ZMIZ2: variants seen among roughly 807,000 people sequenced by gnomAD.
The protein encoded by ZMIZ2 is zinc finger MIZ domain-containing protein 2.
A neutral mutation model predicts 93.9 loss-of-function variants in ZMIZ2; 26 were observed. The observed-to-expected ratio is 0.28, with a 90% confidence interval of 0.20 to 0.38. The LOEUF is 0.38. ZMIZ2 is among the 10% of genes least tolerant of loss of function. The pLI is 1.00. For synonymous variants in ZMIZ2, 485 were observed against 516.4 expected (o/e 0.94, Z 0.82); for missense variants, 1,023 against 1,235.0 (o/e 0.83, Z 2.57).
rs753628720 is a variant in ZMIZ2, at chr7:44,761,818, C to T, written c.1509C>T (p.Asn503=). The change falls in exon 11 of 19, where the codon AAC becomes AAT. Residue 503 remains asparagine (N), a synonymous_variant. Transcript: ENST00000309315. This position sits in a 1 kb window ranked among gnomAD's most constrained non-coding sequence, Gnocchi z 5.8. ...CGCTCACCATCGAGCGTGGCGACAACAAGACCTCGCACAAGCCACTCTACC... is the reference window on the plus strand; with the variant it reads ...CGCTCACCATCGAGCGTGGCGACAATAAGACCTCGCACAAGCCACTCTACC... The part of the protein sequence containing the change: ...ATPLTIERGD[N]KTSHKPLYLK... The T allele has an allele frequency of 6.2e-7, 1 of 1,613,626 alleles. No homozygotes were observed. The highest frequency in any genetic ancestry group is 8.5e-7 in the Non-Finnish European group (1 of 1,179,984).
intron 7 of ZMIZ2, 178 bp from the exon 8 acceptor site, chr7:44,759,973 T>G: frequency 4.3e-6 from 3 of 696,776 alleles, no homozygotes; most frequent in East Asian, 5.7e-5. Flanking sequence ...CCCTCCAACC[T>G]GTTTGATCAT....
intron 1 of ZMIZ2, among the ~76,000 whole-genome samples, chr7:44,754,671 G>A (rs934134836): frequency 6.6e-6 from 1 of 152,198 alleles, no homozygotes; most frequent in Admixed American, 6.5e-5. Flanking sequence ...AGATGAATGC[G>A]GGGCCACCCT....
At chr7:44,764,576 A>C (rs1791510705) in intron 14 of ZMIZ2, 90 bp downstream of exon 14, 15 of 1,430,896 alleles carry the variant, frequency 1.0e-5, no homozygotes, top group Non-Finnish European at 1.5e-5. Flanking sequence ...CATCAAAGAT[A>C]CGAGCCTGCT....
Position 44,763,705 on chromosome 7 carries a change from C to T in ZMIZ2, c.1860+292C>T. 2 of 397,210 alleles carry T rather than the reference C, an allele frequency of 5.0e-6. No homozygotes were observed. The highest frequency in any genetic ancestry group is 4.7e-5 in the East Asian group (1 of 21,392). 24.6% of individuals were successfully genotyped at this position (397,210 alleles called of 1,614,324 possible). Reference sequence around the variant, plus strand: ...AGGGTCCAGTCTTCCTGCCCTACCCCCAAGGGTGACCATCGTTAGCATCTG... The same window carrying T: ...AGGGTCCAGTCTTCCTGCCCTACCCTCAAGGGTGACCATCGTTAGCATCTG... On this transcript the variant is annotated intron_variant, in intron 13 of 18. Transcript: ENST00000309315. This position sits in a 1 kb window ranked among gnomAD's most constrained non-coding sequence, Gnocchi z 5.6.
intron 18 of ZMIZ2, 133 bp from the exon 19 acceptor site, chr7:44,767,383 C>T (rs1413558811): frequency 7.5e-6 from 6 of 798,002 alleles, no homozygotes; most frequent in Non-Finnish European, 1.0e-5. Context: ...CCGCACCCGG[C>T]CTGTGTGTGA....
chr7:44,768,412 C>T lies in ZMIZ2; in HGVS notation c.*789C>T, dbSNP rs1265912215. On this transcript the variant is annotated 3_prime_UTR_variant, in exon 19 of 19. Coordinates refer to ENST00000309315, the MANE Select transcript of ZMIZ2 (RefSeq NM_031449.4). ...TGGGTGGGGGACAGTGAGCTTCGGC[C>T]TGGCCGAGGTGGGTGGGTGGGCTCT... is the stretch of plus-strand genomic sequence containing the variant. 6.6e-6 allele frequency: 1 copy of T among 152,542 alleles called. No individual in the cohort carries two copies. The highest frequency in any genetic ancestry group is 2.4e-5 in the African/African-American group (1 of 41,436). The allele number at this position is 152,542 out of a possible 1,614,324, so 9.4% of individuals were successfully genotyped here. A position where few individuals can be genotyped will look rare whatever the true frequency, so the allele number is the denominator to read the frequency against.
chr7:44,761,278 G>A lies in ZMIZ2; in HGVS notation c.1241-171G>A. ...GGCCTCAGGAGAGATGCTGCCCATGGCCCCAGCCCCAGGGCACCACTCAGG... is the reference window on the plus strand; with the variant it reads ...GGCCTCAGGAGAGATGCTGCCCATGACCCCAGCCCCAGGGCACCACTCAGG... On this transcript the variant is annotated intron_variant, in intron 9 of 18. Coordinates refer to ENST00000309315, the MANE Select transcript of ZMIZ2 (RefSeq NM_031449.4). This position sits in a 1 kb window ranked among gnomAD's most constrained non-coding sequence, Gnocchi z 5.8. The A allele has an allele frequency of 1.7e-6, 1 of 587,040 alleles. No individual in the cohort carries two copies. The highest frequency in any genetic ancestry group is 2.1e-6 in the Non-Finnish European group (1 of 466,074). The allele number at this position is 587,040 out of a possible 1,614,324, so 36.4% of individuals were successfully genotyped here.
rs372406621 is a variant in ZMIZ2, at chr7:44,756,273, A to G, written c.24A>G (p.Lys8=). Residue 8 remains lysine, a synonymous_variant, in exon 2 of 19, where the codon AAA becomes AAG. Coordinates refer to ENST00000309315, the MANE Select transcript of ZMIZ2 (RefSeq NM_031449.4). ...CAATGAACTCCATGAACCCCATGAA[A>G]CCTGCCCTGCCCCCTGCGCCACACG... MNSMNPM[K]PALPPAPHGD... is the part of the protein sequence containing the mutation. 5.5e-5 allele frequency: 88 copies of G among 1,613,748 alleles called. No individual in the cohort carries two copies. The highest frequency in any genetic ancestry group is 7.2e-5 in the Non-Finnish European group (85 of 1,179,970).
chr7:44,759,867 T>G, intron 7 of ZMIZ2: 1 of 521,958 alleles, frequency 1.9e-6, no homozygotes, highest in South Asian at 2.2e-5. Flanking sequence ...TCTGGGTGCA[T>G]GGGCAGAGCC....
At chr7:44,755,771 A>G (rs1790536418) in intron 1 of ZMIZ2, among the ~76,000 whole-genome samples, 1 of 152,116 alleles carries the variant, frequency 6.6e-6, no homozygotes, top group East Asian at 1.9e-4. Flanking sequence ...CCTTCACCCC[A>G]GGGCCTTCTG....
rs751811507 is a variant in ZMIZ2, at chr7:44,757,835, T to A, written c.553-13T>A. 1 of 1,536,338 alleles carries A rather than the reference T, an allele frequency of 6.5e-7. No homozygotes were observed. Among genetic ancestry groups the A allele is most frequent in the South Asian group, 1.3e-5 (1 of 79,264 alleles). On this transcript the variant is annotated splice_polypyrimidine_tract_variant and intron_variant, in intron 5 of 18. Coordinates refer to ENST00000309315, the MANE Select transcript of ZMIZ2 (RefSeq NM_031449.4). ...GGTGGGACCTGGACCATTCTTCTTT[T>A]TTCTCTTCCTAGATGGGGGCCGGAC...
chr7:44,757,868 T>G lies in ZMIZ2; in HGVS notation c.573T>G (p.Phe191Leu). Residue 191 changes from phenylalanine to leucine, a missense_variant, in exon 6 of 19, where the codon TTT becomes TTG. Physicochemically the swap from Phe to Leu is conservative, Grantham distance 22. Around this residue, in one of 3 missense-constraint regions of ZMIZ2, gnomAD observed 656 missense variants for 777.1 expected, o/e 0.84. Transcript: ENST00000309315. ...QYGAMGAGQS[F>L]NSQFLQHGGP... ...CCTAGATGGGGGCCGGACAGTCTTT[T>G]AACAGCCAGTTTCTGCAGCATGGAG... 1 of 1,589,016 alleles carries G rather than the reference T, an allele frequency of 6.3e-7. No individual in the cohort carries two copies. The highest frequency in any genetic ancestry group is 1.1e-5 in the South Asian group (1 of 87,792).
Position 44,761,971 on chromosome 7 carries a change from G to T in ZMIZ2, c.1596+66G>T, listed in dbSNP as rs1282427495. 2.7e-6 allele frequency: 4 copies of T among 1,472,616 alleles called. No homozygotes were observed. Among genetic ancestry groups the T allele is most frequent in the African/African-American group, 1.4e-5 (1 of 71,608 alleles). 91.2% of individuals were successfully genotyped at this position (1,472,616 alleles called of 1,614,324 possible). ...GCGGGGTGTGGTGGGGCCTGGCCCA[G>T]CGGTGCCGTGGGGTGGGGCGGGGTG... On this transcript the variant is annotated intron_variant, in intron 11 of 18. Transcript: ENST00000309315. The surrounding 1 kb of genome is among the most constrained non-coding windows in gnomAD (Gnocchi z 5.8).
chr7:44,758,176 C>T, intron 6 of ZMIZ2, 68 bp downstream of exon 6: 2 of 1,463,856 alleles, frequency 1.4e-6, no homozygotes, highest in Non-Finnish European at 1.8e-6. Context: ...CTCTTTAGAG[C>T]TGTGGTAAAG....
In ZMIZ2 at chr7:44,765,929, G is replaced by A; in HGVS notation, c.2243-235G>A. The A allele has an allele frequency of 1.5e-6, 2 of 1,363,936 alleles. No homozygotes were observed. Among genetic ancestry groups the A allele is most frequent in the Non-Finnish European group, 1.9e-6 (2 of 1,063,388 alleles). 84.5% of individuals were successfully genotyped at this position (1,363,936 alleles called of 1,614,324 possible). On this transcript the variant is annotated intron_variant, in intron 16 of 18. Coordinates refer to ENST00000309315, the MANE Select transcript of ZMIZ2 (RefSeq NM_031449.4). The surrounding 1 kb of genome is among the most constrained non-coding windows in gnomAD (Gnocchi z 4.1). ...ACGCGTGGTGCGTTTGTTTGTGGCTGCTCCCATTCCTATAACCTCCGAGAC... is the reference window on the plus strand; with the variant it reads ...ACGCGTGGTGCGTTTGTTTGTGGCTACTCCCATTCCTATAACCTCCGAGAC...
Position 44,765,599 on chromosome 7 carries a change from C to G in ZMIZ2, c.2242+20C>G. 6.3e-7 allele frequency: 1 copy of G among 1,579,132 alleles called. No individual in the cohort carries two copies. The highest frequency in any genetic ancestry group is 1.7e-4 in the Middle Eastern group (1 of 5,990). ...GCCAGGGTAAGTACAGCAGGCTAGC[C>G]TTGAACCTCAGATGACCCTGGGCAT... On this transcript the variant is annotated intron_variant, in intron 16 of 18. Coordinates refer to ENST00000309315, the MANE Select transcript of ZMIZ2 (RefSeq NM_031449.4). The surrounding 1 kb of genome is among the most constrained non-coding windows in gnomAD (Gnocchi z 4.1).
rs1304130443 is a variant in ZMIZ2, at chr7:44,767,733, C to CA, written c.*114dup. On this transcript the variant is annotated 3_prime_UTR_variant, in exon 19 of 19. Transcript: ENST00000309315. Reference sequence around the variant, plus strand: ...CCGGTGGTCTTTCCCAAACCTCCCCCAAAACACACCTGGAGCCAGAGCCTT... The same window carrying CA: ...CCGGTGGTCTTTCCCAAACCTCCCCCAAAAACACACCTGGAGCCAGAGCCTT... 22 of 936,752 alleles carry CA rather than the reference C, an allele frequency of 2.3e-5. No individual in the cohort carries two copies. Among genetic ancestry groups the CA allele is most frequent in the Non-Finnish European group, 3.5e-5 (21 of 599,238 alleles). The allele number at this position is 936,752 out of a possible 1,614,324, so 58.0% of individuals were successfully genotyped here. A position where few individuals can be genotyped will look rare whatever the true frequency, so the allele number is the denominator to read the frequency against.
At chr7:44,754,471 G>A (rs1023498141) in intron 1 of ZMIZ2, among the ~76,000 whole-genome samples, 7 of 152,182 alleles carry the variant, frequency 4.6e-5, no homozygotes, top group East Asian at 1.9e-4. Context: ...CCCAGTGCTC[G>A]GTGATGGGAA....
rs1470641549 is a variant in ZMIZ2, at chr7:44,764,409, C to T, written c.1861-10C>T. On this transcript the variant is annotated splice_polypyrimidine_tract_variant and intron_variant, in intron 13 of 18. Coordinates refer to ENST00000309315, the MANE Select transcript of ZMIZ2 (RefSeq NM_031449.4). Reference sequence around the variant, plus strand: ...AATGAGAAACTGACTTTCTTCCCATCTCTCTACAGTGCTTTGACCTGGAGT... The same window carrying T: ...AATGAGAAACTGACTTTCTTCCCATTTCTCTACAGTGCTTTGACCTGGAGT... The T allele has an allele frequency of 1.2e-6, 2 of 1,613,884 alleles. No individual in the cohort carries two copies. Among genetic ancestry groups the T allele is most frequent in the Non-Finnish European group, 1.7e-6 (2 of 1,179,854 alleles).
Sources: gnomAD v4.1 joint callset for allele counts (sites outside exome capture counted in the v4.1 genomes callset) on GRCh38, gnomAD v4.1.1 for gene constraint, gnomAD v4.1.1 regional missense constraint, Gnocchi (gnomAD v3.1) non-coding constraint, MANE v1.5 for transcripts, NCBI Gene and HGNC (gene_info 2026-07-23, HGNC 2026-07-21) for gene names.